Variants in ARHGAP27 observed in about 807,000 individuals in gnomAD.
ARHGAP27 encodes rho GTPase-activating protein 27.
ARHGAP27 carries 53 observed loss-of-function variants against 102.0 expected under a neutral mutation model. The observed-to-expected ratio is 0.52, with a 90% CI of 0.42 to 0.65. The LOEUF (loss-of-function observed/expected upper bound fraction) is 0.65. Among genes scored for constraint, ARHGAP27 ranks in the 30% least tolerant of loss-of-function variants. ARHGAP27 has a pLI of 0.00. For synonymous variants in ARHGAP27, 525 were observed against 542.8 expected (o/e 0.97, Z 0.46); for missense variants, 1,117 against 1,256.2 (o/e 0.89, Z 1.68).
Position 45,412,962 on chromosome 17 carries a change from C to CTTT in ARHGAP27, c.658-6882_658-6880dup, listed in dbSNP as rs36233058. Among the ~76,000 whole-genome samples, 22 of 41,142 alleles carry CTTT rather than the reference C, an allele frequency of 5.3e-4. 8 individuals are homozygous for CTTT. The highest frequency in any genetic ancestry group is 2.4e-3 in the Admixed American group (7 of 2,872). The allele number at this position is 41,142 out of a possible 152,430, so 27.0% of individuals were successfully genotyped here. A position where few individuals can be genotyped will look rare whatever the true frequency, so the allele number is the denominator to read the frequency against. ...GTGTGGCACCACGGCTCAGTATAATCTTTTTTTTTTTTTTTTTTTTTTTTT... is the reference window on the plus strand; with the variant it reads ...GTGTGGCACCACGGCTCAGTATAATCTTTTTTTTTTTTTTTTTTTTTTTTTTTT... On this transcript the variant is annotated intron_variant, in intron 4 of 19. Transcript: ENST00000685559.
chr17:45,407,609 G>C (rs1455780044), intron 4 of ARHGAP27: 1 of 150,860 alleles, frequency 6.6e-6, no homozygotes, highest in African/African-American at 2.4e-5. Flanking sequence ...CCGCCTCCTG[G>C]GTTCAAGCGA....
Position 45,430,540 on chromosome 17 carries a change from C to A in ARHGAP27, c.-18-243G>T, listed in dbSNP as rs1479294735. Among the ~76,000 whole-genome samples, 2 of 152,234 alleles carry A rather than the reference C, an allele frequency of 1.3e-5. No homozygotes were observed. Among genetic ancestry groups the A allele is most frequent in the Non-Finnish European group, 2.9e-5 (2 of 68,040 alleles). On this transcript the variant is annotated intron_variant, in intron 3 of 19. Transcript: ENST00000685559. This position sits in a 1 kb window ranked among gnomAD's most constrained non-coding sequence, Gnocchi z 4.4. ...GTGGGGTTGATTCTAAGATTTGACC[C>A]TTGCTTCAGTCCTGCGGTGGGGAGA...
intron 10 of ARHGAP27, 29 bp from the exon 11 acceptor site, chr17:45,403,738 C>G: frequency 6.3e-7 from 1 of 1,587,208 alleles, no homozygotes; most frequent in Non-Finnish European, 8.6e-7. Flanking sequence ...GTGGGGGTGG[C>G]AGGACTTAGA....
In ARHGAP27 at chr17:45,405,841, G is replaced by A. The variant is rs1424516734; in HGVS notation, c.900C>T (p.Ser300=). ...TSPASVDSHV[S]LETEWGQYWD... ...AGTACTGGCCCCACTCGGTCTCAAG[G>A]CTCACGTGGCTGTCCACCGAGGCAG... is the stretch of plus-strand genomic sequence containing the variant. Residue 300 remains serine (S), a synonymous_variant, in exon 5 of 20, where the codon AGC becomes AGT. Transcript: ENST00000685559. The A allele has an allele frequency of 1.3e-6, 2 of 1,536,594 alleles. No homozygotes were observed. The highest frequency in any genetic ancestry group is 1.7e-6 in the Non-Finnish European group (2 of 1,146,984).
chr17:45,407,834 C>G (rs1248724919), intron 4 of ARHGAP27: 1 of 152,186 alleles, frequency 6.6e-6, no homozygotes, highest in Non-Finnish European at 1.5e-5. Flanking sequence ...ATTTTCTAAG[C>G]ATACACAATA....
rs776161623 is a variant in ARHGAP27 at position 45,403,734 on chromosome 17, G to A, written c.1548-25C>T. On this transcript the variant is annotated intron_variant, in intron 10 of 19. Coordinates refer to ENST00000685559, the MANE Select transcript of ARHGAP27 (RefSeq NM_001282290.2). Reference sequence around the variant, plus strand: ...CCTAGGTGGGGGTGGGGAAGTGGGGGTGGCAGGACTTAGATTTGGTCCTGG... The same window carrying A: ...CCTAGGTGGGGGTGGGGAAGTGGGGATGGCAGGACTTAGATTTGGTCCTGG... 1.1e-5 allele frequency: 18 copies of A among 1,592,484 alleles called. No individual in the cohort carries two copies. The Middle Eastern group carries it at 5.4e-4, about 48-fold the overall frequency.
At chr17:45,417,355 T>C (rs2048570301) in intron 4 of ARHGAP27, among the ~76,000 whole-genome samples, 1 of 151,776 alleles carries the variant, frequency 6.6e-6, no homozygotes, top group Admixed American at 6.6e-5. Context: ...TCCCAGCTAC[T>C]TGGGAGGGTA....
rs538286833 is a variant in ARHGAP27 at position 45,404,794 on chromosome 17, G to A, written c.1249-113C>T. ...CAGGGAGTCTGGAGGGGCAGGTGCA[G>A]GTGACTGTGTTTGGCTGGTTTAGGC... is the stretch of plus-strand genomic sequence containing the variant. On this transcript the variant is annotated intron_variant, in intron 6 of 19. Coordinates refer to ENST00000685559, the MANE Select transcript of ARHGAP27 (RefSeq NM_001282290.2). The A allele has an allele frequency of 8.1e-5, 122 of 1,512,440 alleles. No homozygotes were observed. The African/African-American group carries it at 1.4e-3, about 17-fold the overall frequency. 93.7% of individuals were successfully genotyped at this position (1,512,440 alleles called of 1,614,324 possible).
intron 4 of ARHGAP27, chr17:45,410,142 G>C (rs915561457): frequency 2.9e-5 from 41 of 1,415,406 alleles, no homozygotes; most frequent in Non-Finnish European, 3.4e-5. Flanking sequence ...CTTCCAAGAG[G>C]CTCCCTGCTC....
At chr17:45,415,735 G>A (rs12947718) in intron 4 of ARHGAP27, among the ~76,000 whole-genome samples, 20,665 of 152,116 alleles carry the variant, frequency 0.14, 1,711 homozygotes, top group Middle Eastern at 0.23. Context: ...AGAGGAAGAC[G>A]GAAACACTGC....
At chr17:45,424,384 C>T (rs911598871) in intron 4 of ARHGAP27, among the ~76,000 whole-genome samples, 8 of 152,368 alleles carry the variant, frequency 5.3e-5, no homozygotes, top group African/African-American at 1.7e-4. Flanking sequence ...TCTCACTCCC[C>T]GGCACAGATC....
chr17:45,431,369 T>C (rs1567746189), intron 3 of ARHGAP27, among the ~76,000 whole-genome samples: 1 of 152,048 alleles, frequency 6.6e-6, no homozygotes. Context: ...TCCTGCCCCC[T>C]AAGGTGGCCC....
intron 4 of ARHGAP27, among the ~76,000 whole-genome samples, chr17:45,426,546 A>G (rs370310749): frequency 2.0e-5 from 3 of 152,050 alleles, no homozygotes; most frequent in East Asian, 1.9e-4. Context: ...CTGCTGCCTG[A>G]CAGAAGGGCA....
In ARHGAP27 at chr17:45,430,187, C is replaced by A; in HGVS notation, c.93G>T (p.Pro31=). The A allele has an allele frequency of 6.5e-7, 1 of 1,545,162 alleles. No homozygotes were observed. The highest frequency in any genetic ancestry group is 8.7e-7 in the Non-Finnish European group (1 of 1,152,670). The part of the protein sequence containing the change: ...GKDGRRVAIR[P]NERYRLLRRS... ...GCCGCAGCAGCCGGTAGCGCTCATT[C>A]GGCCGGATGGCCACGCGGCGCCCGT... The change falls in exon 4 of 20, where the codon CCG becomes CCT. Residue 31 remains proline (P), a synonymous_variant. Transcript: ENST00000685559. The surrounding 1 kb of genome is among the most constrained non-coding windows in gnomAD (Gnocchi z 4.4).
chr17:45,413,839 C>T (rs2048167506), intron 4 of ARHGAP27, among the ~76,000 whole-genome samples: 1 of 152,188 alleles, frequency 6.6e-6, no homozygotes, highest in South Asian at 2.1e-4. Flanking sequence ...GGTGCGGTGG[C>T]TCAGGCCTGT....
intron 13 of ARHGAP27, chr17:45,397,393 C>T (rs1241582596): frequency 1.7e-5 from 14 of 824,238 alleles, no homozygotes; most frequent in East Asian, 6.1e-5. Context: ...CAGCTGTGGC[C>T]GGAGCACTGC....
chr17:45,401,666 G>C (rs191249704), intron 12 of ARHGAP27: 4 of 152,316 alleles, frequency 2.6e-5, no homozygotes, highest in African/African-American at 7.2e-5. Context: ...CATGTTCATG[G>C]AGCTACATAC....
chr17:45,396,769 ACGGGGCCCAGGGCGGGCGCGGCTGCCG>A lies in ARHGAP27; in HGVS notation c.1952-6_1972del. The A allele has an allele frequency of 3.7e-6, 6 of 1,613,030 alleles. No individual in the cohort carries two copies. Among genetic ancestry groups the A allele is most frequent in the Non-Finnish European group, 5.1e-6 (6 of 1,179,464 alleles). ...CTTGCTCAAGTCGCTCTCCAGGCCC[ACGGGGCCCAGGGCGGGCGCGGCTGCCG>A]CGGGGAAAGGCAGGACTGAGTCAGG... is the stretch of plus-strand genomic sequence containing the variant. On this transcript the variant is annotated splice_acceptor_variant and splice_polypyrimidine_tract_variant and coding_sequence_variant and intron_variant, in exon 15 of 20. Transcript: ENST00000685559. LOFTEE classifies it high-confidence loss of function.
At position 45,431,652 on chromosome 17, in the gene ARHGAP27, G is replaced by C. The variant is rs1270613769; in HGVS notation, c.-50C>G. The C allele has an allele frequency of 5.7e-6, 1 of 176,124 alleles. No individual in the cohort carries two copies. Among genetic ancestry groups the C allele is most frequent in the Non-Finnish European group, 1.2e-5 (1 of 82,766 alleles). 10.9% of individuals were successfully genotyped at this position (176,124 alleles called of 1,614,324 possible). A position where few individuals can be genotyped will look rare whatever the true frequency, so the allele number is the denominator to read the frequency against. On this transcript the variant is annotated 5_prime_UTR_variant, in exon 3 of 20. Coordinates refer to ENST00000685559, the MANE Select transcript of ARHGAP27 (RefSeq NM_001282290.2). ...TGGGCGGGCCTCAGGGAGCCCATGG[G>C]CTGGGTGGGCGGAGCCGGCGGTGGC...
Sources: allele counts gnomAD v4.1 joint callset (sites outside exome capture counted in the v4.1 genomes callset), GRCh38; gene constraint gnomAD v4.1.1; non-coding constraint Gnocchi (gnomAD v3.1); transcripts MANE v1.5; gene names NCBI Gene and HGNC (gene_info 2026-07-23, HGNC 2026-07-21).